WNT9A: variants seen among roughly 807,000 people sequenced by gnomAD.
The protein encoded by WNT9A is Wnt family member 9A.
Under a neutral mutation model 31.4 loss-of-function variants are expected in WNT9A, and 8 were observed. The observed-to-expected ratio is 0.26, with a 90% CI of 0.15 to 0.46. WNT9A has a LOEUF of 0.46. Among genes scored for constraint, WNT9A ranks in the 20% least tolerant of loss-of-function variants. WNT9A has a pLI of 0.99. For synonymous variants in WNT9A, 236 were observed against 220.1 expected (o/e 1.07, Z -0.64); for missense variants, 457 against 522.9 (o/e 0.87, Z 1.23).
At chr1:227,936,990 G>A (rs567624377) in intron 1 of WNT9A, among the ~76,000 whole-genome samples, 5 of 152,238 alleles carry the variant, frequency 3.3e-5, no homozygotes, top group Admixed American at 1.3e-4. Context: ...CCGTGTCACC[G>A]AGGTGTCCTG....
Position 227,921,473 on chromosome 1 carries a change from G to A in WNT9A, c.*45C>T. 1 of 1,573,404 alleles carries A rather than the reference G, an allele frequency of 6.4e-7. No individual in the cohort carries two copies. ...CAGGTGTAGACCCTTCACACCGTGT[G>A]CAATGCCTGCACCCTGTGCAGCAGG... On this transcript the variant is annotated 3_prime_UTR_variant, in exon 4 of 4. Transcript: ENST00000272164.
At chr1:227,931,683 G>C (rs548063615) in intron 1 of WNT9A, among the ~76,000 whole-genome samples, 1 of 152,170 alleles carries the variant, frequency 6.6e-6, no homozygotes, top group East Asian at 1.9e-4. Context: ...CAGTCTTTAA[G>C]TGAGCAATAT....
chr1:227,939,690 G>A (rs680148), intron 1 of WNT9A, among the ~76,000 whole-genome samples: 44,342 of 152,132 alleles, frequency 0.29, 7,695 homozygotes, highest in Non-Finnish European at 0.41. Flanking sequence ...CACCCTGACC[G>A]GGACCCAGCT....
intron 1 of WNT9A, among the ~76,000 whole-genome samples, chr1:227,944,931 C>T (rs1390698871): frequency 2.0e-5 from 3 of 152,258 alleles, no homozygotes; most frequent in Non-Finnish European, 4.4e-5. Flanking sequence ...AAGGAAAGGG[C>T]TGCAAGGTGC....
rs1422770955 is a variant in WNT9A at position 227,925,422 on chromosome 1, CCAGCTT to C, written c.187_192del (p.Lys63_Leu64del). On this transcript the variant is annotated inframe_deletion, in exon 2 of 4. Coordinates refer to ENST00000272164, the MANE Select transcript of WNT9A (RefSeq NM_003395.4). The surrounding 1 kb of genome is among the most constrained non-coding windows in gnomAD (Gnocchi z 6.0). ...CGGCACATGCGCCGCTGCTTCCGCT[CCAGCTT>C]CAGCCGGTCGCAGGCCTTGTAGTGC... 2 of 1,603,892 alleles carry C rather than the reference CCAGCTT, an allele frequency of 1.2e-6. No homozygotes were observed. The highest frequency in any genetic ancestry group is 1.7e-5 in the Admixed American group (1 of 59,580).
chr1:227,933,005 T>A (rs1452528058), intron 1 of WNT9A, among the ~76,000 whole-genome samples: 1 of 152,244 alleles, frequency 6.6e-6, no homozygotes, highest in African/African-American at 2.4e-5. Context: ...ACCAGCTGCA[T>A]TAGCCCCTAT....
rs758264027 is a variant in WNT9A at position 227,921,983 on chromosome 1, C to T, written c.633G>A (p.Val211=). ...LVGVKVIKAG[V]ETTCKCHGVS... ...CGCCGTGGCACTTGCAGGTGGTCTCCACCCCAGCCTTGATCACCTGGCAGA... is the reference window on the plus strand; with the variant it reads ...CGCCGTGGCACTTGCAGGTGGTCTCTACCCCAGCCTTGATCACCTGGCAGA... The change falls in exon 4 of 4, where the codon GTG becomes GTA. Residue 211 remains valine (V), a synonymous_variant. Transcript: ENST00000272164. The T allele has an allele frequency of 6.2e-7, 1 of 1,608,988 alleles. No homozygotes were observed. Among genetic ancestry groups the T allele is most frequent in the East Asian group, 2.2e-5 (1 of 44,774 alleles).
intron 1 of WNT9A, among the ~76,000 whole-genome samples, chr1:227,932,748 A>G (rs577392890): frequency 6.6e-6 from 1 of 152,306 alleles, no homozygotes; most frequent in South Asian, 2.1e-4. Flanking sequence ...GCACATCTCC[A>G]CCAGAGCTCT....
intron 1 of WNT9A, chr1:227,941,462 C>T (rs1311532077): frequency 1.3e-5 from 2 of 153,980 alleles, no homozygotes; most frequent in East Asian, 3.9e-4. Context: ...AGTTGAGCAA[C>T]CAGGGAGAGA....
At chr1:227,936,761 G>C (rs1342973205) in intron 1 of WNT9A, among the ~76,000 whole-genome samples, 1 of 152,174 alleles carries the variant, frequency 6.6e-6, no homozygotes, top group Admixed American at 6.5e-5. Context: ...AAAGTGCTGG[G>C]ATCACAGGCA....
rs1463048731 is a variant in WNT9A, at chr1:227,924,146, C to A, written c.607G>T (p.Gly203Cys). 6.2e-7 allele frequency: 1 copy of A among 1,606,912 alleles called. No homozygotes were observed. Among genetic ancestry groups the A allele is most frequent in the Non-Finnish European group, 8.5e-7 (1 of 1,176,012 alleles). ...AGCCCCACCCCACTTGCCTTCACAC[C>A]CACGAGGTTGTTGTGGAAGTCCACA... ...ARVDFHNNLV[G>C]VKVIKAGVET... Residue 203 changes from glycine (G) to cysteine (C), a missense_variant, in exon 3 of 4, where the codon GGT (glycine) becomes TGT (cysteine). Gly to Cys is a radical substitution (Grantham distance 159). Coordinates refer to ENST00000272164, the MANE Select transcript of WNT9A (RefSeq NM_003395.4).
At position 227,921,418 on chromosome 1, in the gene WNT9A, G is replaced by T; in HGVS notation, c.*100C>A. 1.3e-6 allele frequency: 2 copies of T among 1,519,024 alleles called. No homozygotes were observed. The highest frequency in any genetic ancestry group is 1.3e-5 in the South Asian group (1 of 77,062). 94.1% of individuals were successfully genotyped at this position (1,519,024 alleles called of 1,614,324 possible). A position where few individuals can be genotyped will look rare whatever the true frequency, so the allele number is the denominator to read the frequency against. ...GCAATGCCTGTACCCCACGCAGCTG[G>T]GCTGGTCGAGCCCAGGAACTCAGCC... On this transcript the variant is annotated 3_prime_UTR_variant, in exon 4 of 4. Coordinates refer to ENST00000272164, the MANE Select transcript of WNT9A (RefSeq NM_003395.4).
intron 1 of WNT9A, among the ~76,000 whole-genome samples, chr1:227,940,314 G>A (rs1250811112): frequency 6.6e-6 from 1 of 152,180 alleles, no homozygotes. Context: ...GGGGAAAGGT[G>A]AAGAGCAGAA....
intron 1 of WNT9A, among the ~76,000 whole-genome samples, chr1:227,939,048 C>T (rs1389518717): frequency 6.6e-6 from 1 of 152,228 alleles, no homozygotes; most frequent in African/African-American, 2.4e-5. Context: ...CCTCTCAAGC[C>T]CCAGCCACTT....
At chr1:227,934,103 C>A (rs544048302) in intron 1 of WNT9A, among the ~76,000 whole-genome samples, 3 of 152,184 alleles carry the variant, frequency 2.0e-5, no homozygotes, top group Admixed American at 2.0e-4. Context: ...CTGAGAGGCA[C>A]CTGGGTTGTT....
Position 227,924,333 on chromosome 1 carries a change from C to G in WNT9A, c.420G>C (p.Ala140=). 6.2e-7 allele frequency: 1 copy of G among 1,613,622 alleles called. No individual in the cohort carries two copies. Among genetic ancestry groups the G allele is most frequent in the Non-Finnish European group, 8.5e-7 (1 of 1,179,978 alleles). Residue 140 remains alanine (A), a synonymous_variant, in exon 3 of 4, where the codon GCG becomes GCC. Coordinates refer to ENST00000272164, the MANE Select transcript of WNT9A (RefSeq NM_003395.4). ...SAGLTHALAK[A]CSAGRMERCT... is the part of the protein sequence containing the mutation. ...AGCGCTCCATGCGGCCCGCGCTGCA[C>G]GCCTTGGCCAGTGCGTGCGTCAGGC...
At chr1:227,924,764 A>G (rs1418422) in intron 2 of WNT9A, among the ~76,000 whole-genome samples, 70,429 of 152,124 alleles carry the variant, frequency 0.46, 16,873 homozygotes, top group African/African-American at 0.6. Context: ...CATGCAGTGC[A>G]GTGGCACACA....
intron 3 of WNT9A, among the ~76,000 whole-genome samples, chr1:227,923,312 G>A (rs895974160): frequency 7.2e-5 from 11 of 152,172 alleles, no homozygotes; most frequent in African/African-American, 2.7e-4. Flanking sequence ...AAGGCAGGAG[G>A]GAGAAATGCC....
rs1666474072 is a variant in WNT9A at position 227,929,571 on chromosome 1, C to T, written c.96-4052G>A. ...ACCCCAGGCTGGGTGCGATGGCTCA[C>T]GCATGTAAACCCAGAACTTTGGGAG... On this transcript the variant is annotated intron_variant, in intron 1 of 3. Transcript: ENST00000272164. Among the ~76,000 whole-genome samples, 4 of 152,218 alleles carry T rather than the reference C, an allele frequency of 2.6e-5. No individual in the cohort carries two copies. In the South Asian group the frequency reaches 8.3e-4, roughly 31 times the overall value.
Sources: gnomAD v4.1 joint callset for allele counts (sites outside exome capture counted in the v4.1 genomes callset) on GRCh38, gnomAD v4.1.1 for gene constraint, Gnocchi (gnomAD v3.1) non-coding constraint, MANE v1.5 for transcripts, NCBI Gene and HGNC (gene_info 2026-07-23, HGNC 2026-07-21) for gene names.